Variants in LRBA observed in about 807,000 individuals in gnomAD.
The protein encoded by LRBA is LPS responsive beige-like anchor protein, also known as lipopolysaccharide-responsive and beige-like anchor protein.
A neutral mutation model predicts 330.0 loss-of-function variants in LRBA; 176 were observed. The observed-to-expected ratio is 0.53, with a 90% CI of 0.47 to 0.60. LRBA has a LOEUF of 0.60. Among genes scored for constraint, LRBA ranks in the 20% least tolerant of loss-of-function variants. The pLI is 0.00. For synonymous variants in LRBA, 1,230 were observed against 1,193.0 expected (o/e 1.03, Z -0.64); for missense variants, 3,259 against 3,444.8 (o/e 0.95, Z 1.35).
intron 34 of LRBA, among the ~76,000 whole-genome samples, chr4:150,767,615 G>A (rs928505727): frequency 3.3e-5 from 5 of 150,064 alleles, no homozygotes; most frequent in South Asian, 4.2e-4. Flanking sequence ...AAAATTAGCC[G>A]GGCATGGTGG....
intron 44 of LRBA, among the ~76,000 whole-genome samples, chr4:150,460,560 G>A (rs1257684654): frequency 6.6e-6 from 1 of 151,636 alleles, no homozygotes; most frequent in Non-Finnish European, 1.5e-5. Flanking sequence ...AAAACAAAAC[G>A]AAACAAAACA....
chr4:150,361,407 C>T (rs1738674999), intron 47 of LRBA, among the ~76,000 whole-genome samples: 1 of 152,076 alleles, frequency 6.6e-6, no homozygotes, highest in Non-Finnish European at 1.5e-5. Context: ...TAACTAGTTT[C>T]TCCTCTTTCT....
chr4:150,813,161 TAAAAA>T (rs368824811), intron 31 of LRBA, among the ~76,000 whole-genome samples: 94 of 131,494 alleles, frequency 7.1e-4, no homozygotes, highest in South Asian at 3.7e-3. Context: ...CTGTCTCAAT[TAAAAA>T]AAAAAAAAAA....
chr4:150,572,387 T>C (rs773018023), intron 40 of LRBA, among the ~76,000 whole-genome samples: 3 of 152,118 alleles, frequency 2.0e-5, no homozygotes, highest in Non-Finnish European at 4.4e-5. Context: ...TTCTAACTAC[T>C]GAACTTTTAT....
At chr4:150,509,696 A>G (rs1042778077) in intron 40 of LRBA, among the ~76,000 whole-genome samples, 2 of 152,212 alleles carry the variant, frequency 1.3e-5, no homozygotes, top group African/African-American at 2.4e-5. Context: ...AAATAGATGT[A>G]AATCACGAAT....
Position 150,553,657 on chromosome 4 carries a change from T to C in LRBA, c.6330+34391A>G, listed in dbSNP as rs116462812. ...CATACTTTTCATACCAATAACCATA[T>C]CCTGTACAATTACACACAGACAGAT... On this transcript the variant is annotated intron_variant, in intron 40 of 56. Coordinates refer to ENST00000651943, the MANE Select transcript of LRBA (RefSeq NM_001364905.1). Among the ~76,000 whole-genome samples the C allele has an allele frequency of 6.7e-4, 102 of 152,166 alleles. 1 individual carries two copies. The highest frequency in any genetic ancestry group is 2.6e-3 in the Admixed American group (39 of 15,276).
intron 47 of LRBA, among the ~76,000 whole-genome samples, chr4:150,391,523 G>C (rs1268910693): frequency 6.6e-6 from 1 of 152,154 alleles, no homozygotes; most frequent in East Asian, 1.9e-4. Flanking sequence ...CTTAGGGTGA[G>C]ACAGAAAGAT....
intron 47 of LRBA, among the ~76,000 whole-genome samples, chr4:150,385,820 A>G (rs1393608123): frequency 6.6e-6 from 1 of 152,224 alleles, no homozygotes; most frequent in East Asian, 1.9e-4. Flanking sequence ...AAGCATTAAC[A>G]GTAGCCTCAG....
intron 36 of LRBA, among the ~76,000 whole-genome samples, chr4:150,712,888 G>T (rs1208556122): frequency 6.6e-6 from 1 of 152,046 alleles, no homozygotes. Flanking sequence ...AAAACACACA[G>T]AAACATTATG....
At chr4:150,319,662 A>T (rs777011060) in intron 50 of LRBA, among the ~76,000 whole-genome samples, 3 of 152,140 alleles carry the variant, frequency 2.0e-5, no homozygotes, top group Admixed American at 6.6e-5. Flanking sequence ...CCTTTTCTGA[A>T]ATCTATTTTG....
intron 35 of LRBA, among the ~76,000 whole-genome samples, chr4:150,760,958 T>C (rs1280452152): frequency 2.6e-5 from 4 of 152,198 alleles, no homozygotes; most frequent in African/African-American, 9.6e-5. Flanking sequence ...CCTTGATTCC[T>C]AGATGCAAGT....
intron 47 of LRBA, among the ~76,000 whole-genome samples, chr4:150,399,655 G>A (rs1745205839): frequency 6.6e-6 from 1 of 152,108 alleles, no homozygotes; most frequent in Non-Finnish European, 1.5e-5. Flanking sequence ...TTGGTGGTGA[G>A]GGAATGTTGA....
At chr4:150,557,951 G>A (rs1242783248) in intron 40 of LRBA, among the ~76,000 whole-genome samples, 2 of 152,072 alleles carry the variant, frequency 1.3e-5, no homozygotes. Flanking sequence ...AGGCTGGAGT[G>A]TAGTGGCGCA....
intron 34 of LRBA, among the ~76,000 whole-genome samples, chr4:150,774,472 T>C (rs1737000438): frequency 6.6e-6 from 1 of 152,362 alleles, no homozygotes; most frequent in East Asian, 1.9e-4. Context: ...TTGTGGAATG[T>C]TTAACTTATA....
At chr4:150,374,791 A>G (rs887574025) in intron 47 of LRBA, among the ~76,000 whole-genome samples, 1 of 152,238 alleles carries the variant, frequency 6.6e-6, no homozygotes, top group African/African-American at 2.4e-5. Flanking sequence ...ACTGGTACAT[A>G]TAACATATCA....
chr4:150,538,070 C>A (rs1182614921), intron 40 of LRBA, among the ~76,000 whole-genome samples: 1 of 152,132 alleles, frequency 6.6e-6, no homozygotes, highest in East Asian at 1.9e-4. Context: ...AAATTCAATT[C>A]AAAACCACAA....
chr4:150,434,799 G>T (rs1750888721), intron 46 of LRBA, among the ~76,000 whole-genome samples: 1 of 151,734 alleles, frequency 6.6e-6, no homozygotes, highest in Admixed American at 6.6e-5. Flanking sequence ...TGAGGCTACA[G>T]TGAATTGTGA....
chr4:150,701,084 T>G (rs1785075696), intron 36 of LRBA, among the ~76,000 whole-genome samples: 1 of 152,188 alleles, frequency 6.6e-6, no homozygotes, highest in African/African-American at 2.4e-5. Context: ...TTTTTTCAAT[T>G]TTTAAATTTT....
intron 2 of LRBA, among the ~76,000 whole-genome samples, chr4:150,975,916 C>A (rs1311464453): frequency 6.6e-6 from 1 of 152,018 alleles, no homozygotes; most frequent in African/African-American, 2.4e-5. Flanking sequence ...AATCCCAACA[C>A]TTTGGGAGGC....
Sources: gnomAD v4.1 joint callset for allele counts (sites outside exome capture counted in the v4.1 genomes callset) on GRCh38, gnomAD v4.1.1 for gene constraint, MANE v1.5 for transcripts, NCBI Gene and HGNC (gene_info 2026-07-23, HGNC 2026-07-21) for gene names.